Variants in GALNT7 observed in about 807,000 individuals in gnomAD.
GALNT7 encodes polypeptide N-acetylgalactosaminyltransferase 7.
Under a neutral mutation model 82.1 loss-of-function variants are expected in GALNT7, and 60 were observed. The observed-to-expected ratio is 0.73, with a 90% CI of 0.59 to 0.91. The LOEUF (loss-of-function observed/expected upper bound fraction) is 0.91. GALNT7 is among the 40% of genes least tolerant of loss of function. GALNT7 has a pLI of 0.00. For missense variants in GALNT7, 660 were observed against 804.2 expected (o/e 0.82, Z 2.17); for synonymous variants, 243 against 275.1 (o/e 0.88, Z 1.15).
chr4:173,216,799 C>T (rs191174605), intron 1 of GALNT7, among the ~76,000 whole-genome samples: 3,056 of 131,454 alleles, frequency 0.023, 92 homozygotes, highest in East Asian at 0.07. Context: ...GGCGCAATCT[C>T]GGCTCACTGC....
intron 1 of GALNT7, among the ~76,000 whole-genome samples, chr4:173,182,308 A>G (rs1732272085): frequency 1.3e-5 from 2 of 152,216 alleles, no homozygotes; most frequent in African/African-American, 2.4e-5. Context: ...AAAATTAGAA[A>G]ACTTAAGGTA....
chr4:173,248,229 G>A lies in GALNT7; in HGVS notation c.376G>A (p.Val126Met), dbSNP rs1189228800. ...TCAGACATTCACCTACCATGATCCT[G>A]TGCTTCGCCCAGGGATCCTCGGTAA... ...KPQTFTYHDPVLRPGILGNFE... is the reference protein window; with the variant it reads ...KPQTFTYHDPMLRPGILGNFE... The change falls in exon 2 of 12, where the codon GTG (valine) becomes ATG (methionine). Residue 126 changes from valine to methionine, a missense_variant. This residue lies in a region of GALNT7 where 527 missense variants were observed against 683.5 expected (regional missense o/e 0.77). Coordinates refer to ENST00000265000, the MANE Select transcript of GALNT7 (RefSeq NM_017423.3). 1 of 1,613,840 alleles carries A rather than the reference G, an allele frequency of 6.2e-7. No individual in the cohort carries two copies. Among genetic ancestry groups the A allele is most frequent in the African/African-American group, 1.3e-5 (1 of 74,914 alleles).
At chr4:173,235,311 G>A (rs1734182123) in intron 1 of GALNT7, among the ~76,000 whole-genome samples, 1 of 152,176 alleles carries the variant, frequency 6.6e-6, no homozygotes, top group African/African-American at 2.4e-5. Flanking sequence ...ATGGACACCA[G>A]GCCTGGCTTG....
At chr4:173,279,593 G>A (rs940328439) in intron 2 of GALNT7, among the ~76,000 whole-genome samples, 13 of 152,110 alleles carry the variant, frequency 8.5e-5, no homozygotes, top group African/African-American at 2.7e-4. Flanking sequence ...CTTATAAATT[G>A]TAAGCATTTT....
chr4:173,317,812 C>T (rs970740803), intron 10 of GALNT7, 80 bp downstream of exon 10: 3 of 871,122 alleles, frequency 3.4e-6, no homozygotes, highest in Admixed American at 2.3e-5. Context: ...GATCTTTGTA[C>T]TTTGGTTTTC....
chr4:173,185,413 C>A (rs201611280), intron 1 of GALNT7, among the ~76,000 whole-genome samples: 121 of 142,038 alleles, frequency 8.5e-4, no homozygotes, highest in Middle Eastern at 3.6e-3. Context: ...CAATGAATCT[C>A]AAAAAAAAAA....
intron 2 of GALNT7, among the ~76,000 whole-genome samples, chr4:173,275,893 G>A (rs1019557412): frequency 2.0e-5 from 3 of 152,098 alleles, no homozygotes; most frequent in Non-Finnish European, 4.4e-5. Flanking sequence ...TAGGGATATG[G>A]GCATGATGAG....
intron 1 of GALNT7, among the ~76,000 whole-genome samples, chr4:173,189,210 A>G (rs1469002608): frequency 6.6e-6 from 1 of 152,240 alleles, no homozygotes; most frequent in African/African-American, 2.4e-5. Context: ...AGTGTATTTC[A>G]CAATTAAAAA....
intron 1 of GALNT7, among the ~76,000 whole-genome samples, chr4:173,241,476 C>G (rs1283539574): frequency 6.6e-6 from 1 of 152,134 alleles, no homozygotes; most frequent in Non-Finnish European, 1.5e-5. Flanking sequence ...ATGGGGACTT[C>G]TTTTAAGAAT....
intron 8 of GALNT7, among the ~76,000 whole-genome samples, chr4:173,311,645 G>A (rs1737389139): frequency 6.6e-6 from 1 of 152,154 alleles, no homozygotes; most frequent in South Asian, 2.1e-4. Context: ...TGGGCATGGG[G>A]GTGGGGGGTG....
intron 1 of GALNT7, among the ~76,000 whole-genome samples, chr4:173,186,693 G>C (rs1387936167): frequency 6.6e-6 from 1 of 152,112 alleles, no homozygotes; most frequent in Admixed American, 6.5e-5. Context: ...TTTTCTCCTG[G>C]ACTTTTAGAC....
In GALNT7 at chr4:173,256,768, A is replaced by G. The variant is rs1033309274; in HGVS notation, c.587+8328A>G. On this transcript the variant is annotated intron_variant, in intron 2 of 11. Transcript: ENST00000265000. ...TGACTGCTTTGCATAATATAGCCAT[A>G]ATATAAAAGGAAGAATGGGAGATAT... Among the ~76,000 whole-genome samples the G allele has an allele frequency of 5.3e-5, 8 of 152,216 alleles. No individual in the cohort carries two copies. The East Asian group carries it at 1.5e-3, about 29-fold the overall frequency.
At chr4:173,312,490 A>G (rs928271563) in intron 8 of GALNT7, among the ~76,000 whole-genome samples, 1 of 151,928 alleles carries the variant, frequency 6.6e-6, no homozygotes, top group Admixed American at 6.6e-5. Flanking sequence ...GCAAGAACTC[A>G]CCCCCTCACC....
rs146426713 is a variant in GALNT7, at chr4:173,218,611, G to T, written c.127-29369G>T. 7.2e-5 allele frequency among the ~76,000 whole-genome samples: 11 copies of T among 152,258 alleles called. No homozygotes were observed. The East Asian group carries it at 2.1e-3, about 29-fold the overall frequency. ...CTCAGGCAAGTTTCCCAGCCACTTAGATTTCCTGTTTCTTTAAGTTAAGCA... is the reference window on the plus strand; with the variant it reads ...CTCAGGCAAGTTTCCCAGCCACTTATATTTCCTGTTTCTTTAAGTTAAGCA... On this transcript the variant is annotated intron_variant, in intron 1 of 11. Coordinates refer to ENST00000265000, the MANE Select transcript of GALNT7 (RefSeq NM_017423.3).
In GALNT7 at chr4:173,298,208, A is replaced by G. The variant is rs746357783; in HGVS notation, c.1059A>G (p.Arg353=). The G allele has an allele frequency of 3.1e-6, 5 of 1,613,578 alleles. No individual in the cohort carries two copies. The Admixed American group carries it at 5.0e-5, about 16-fold the overall frequency. The part of the protein sequence containing the change: ...QGGGDEDGYA[R]GAWDWSMLWK... Reference sequence around the variant, plus strand: ...GTGGTGATGAAGATGGGTATGCCCGAGGAGCATGGGATTGGAGTATGCTCT... The same window carrying G: ...GTGGTGATGAAGATGGGTATGCCCGGGGAGCATGGGATTGGAGTATGCTCT... The change falls in exon 6 of 12, where the codon CGA becomes CGG. Residue 353 remains arginine, a synonymous_variant. Transcript: ENST00000265000.
chr4:173,308,859 C>T (rs959165440), intron 8 of GALNT7, among the ~76,000 whole-genome samples: 3 of 152,158 alleles, frequency 2.0e-5, no homozygotes, highest in Admixed American at 6.5e-5. Context: ...GCCGAGATCT[C>T]GCTGCTGCAC....
At chr4:173,229,269 A>G (rs1733944496) in intron 1 of GALNT7, among the ~76,000 whole-genome samples, 1 of 152,146 alleles carries the variant, frequency 6.6e-6, no homozygotes, top group African/African-American at 2.4e-5. Flanking sequence ...GTAAGTTTTT[A>G]CTTCTATTAC....
chr4:173,247,888 G>C (rs1394604491), intron 1 of GALNT7, 92 bp from the exon 2 acceptor site: 2 of 737,696 alleles, frequency 2.7e-6, no homozygotes, highest in African/African-American at 1.8e-5. Context: ...TGTTGCCTCA[G>C]CCTTTTTCAA....
At chr4:173,312,828 G>A (rs1737438728) in intron 8 of GALNT7, among the ~76,000 whole-genome samples, 1 of 152,158 alleles carries the variant, frequency 6.6e-6, no homozygotes, top group South Asian at 2.1e-4. Context: ...GGAAGCCAAG[G>A]CAGGCAGATT....
Sources: allele counts gnomAD v4.1 joint callset (sites outside exome capture counted in the v4.1 genomes callset), GRCh38; gene constraint gnomAD v4.1.1; regional missense constraint gnomAD v4.1.1; transcripts MANE v1.5; gene names NCBI Gene and HGNC (gene_info 2026-07-23, HGNC 2026-07-21).